Variants in ANKRD36C observed in about 807,000 individuals in gnomAD.
ANKRD36C encodes the protein ankyrin repeat domain-containing protein 36C.
In ANKRD36C, 61 loss-of-function variants were observed where a neutral mutation model predicts 276.4. That is an observed-to-expected ratio of 0.22 (90% confidence interval 0.18 to 0.27). ANKRD36C has a LOEUF of 0.27. Ranked by LOEUF, ANKRD36C falls within the 10% of genes least tolerant of loss-of-function variation. The pLI, the probability that ANKRD36C is intolerant of heterozygous loss-of-function variation, is 1.00. For synonymous variants in ANKRD36C, 483 were observed against 680.1 expected, an observed-to-expected ratio of 0.71 and a Z score of 4.51; for missense variants, 1,447 against 2,032.3, an observed-to-expected ratio of 0.71 and a Z score of 5.54.
At chr2:95,908,992 G>T (rs1475360307) in intron 42 of ANKRD36C, among the ~76,000 whole-genome samples, 1 of 151,100 alleles carries the variant, frequency 6.6e-6, no homozygotes, top group Non-Finnish European at 1.5e-5. Flanking sequence ...TGAGGACAAA[G>T]TGATCTAAAA....
exon 12 of ANKRD36C, chr2:95,958,595 C>G (rs929286485): frequency 1.9e-6 from 3 of 1,545,264 alleles, no homozygotes; most frequent in Non-Finnish European, 2.6e-6. Flanking sequence ...AATTACCTGT[C>G]CCAGATTTTT....
chr2:95,912,212 C>A lies in ANKRD36C; in HGVS notation c.2653+32G>T, dbSNP rs536333842. On this transcript the variant is annotated intron_variant, in intron 42 of 66. Transcript: ENST00000456556. ...GGAAGAGAACTTCTTATCTGGACTG[C>A]ACATGACATTAAATGTGTTTTGCAA... 9.5e-4 allele frequency: 1,462 copies of A among 1,542,372 alleles called. 2 individuals carry two copies. The highest frequency in any genetic ancestry group is 2.7e-3 in the African/African-American group (197 of 72,774).
At chr2:95,883,784 T>C (rs1231861883) in intron 54 of ANKRD36C, among the ~76,000 whole-genome samples, 2 of 152,058 alleles carry the variant, frequency 1.3e-5, no homozygotes, top group Non-Finnish European at 2.9e-5. Flanking sequence ...GTTTATGGGT[T>C]ATTATGATCA....
intron 56 of ANKRD36C, among the ~76,000 whole-genome samples, chr2:95,881,149 T>G (rs1676069538): frequency 6.6e-6 from 1 of 152,124 alleles, no homozygotes; most frequent in Non-Finnish European, 1.5e-5. Flanking sequence ...TGAATTGATC[T>G]GCTTGGATAT....
chr2:95,946,158 A>G (rs1328699500), intron 17 of ANKRD36C, among the ~76,000 whole-genome samples: 2 of 45,764 alleles, frequency 4.4e-5, no homozygotes, highest in Non-Finnish European at 7.6e-5. Context: ...AGAGAGAGGA[A>G]AAAAAAAAAA....
chr2:95,871,338 C>G (rs1044785622), intron 59 of ANKRD36C, among the ~76,000 whole-genome samples: 1 of 152,014 alleles, frequency 6.6e-6, no homozygotes, highest in Non-Finnish European at 1.5e-5. Flanking sequence ...CTCTACAAGC[C>G]GGAAGAGAGT....
At chr2:95,890,670 C>G (rs886802197) in intron 46 of ANKRD36C, among the ~76,000 whole-genome samples, 4 of 151,498 alleles carry the variant, frequency 2.6e-5, no homozygotes, top group African/African-American at 9.7e-5. Flanking sequence ...AATATATTAG[C>G]CTCAATAAAG....
At chr2:95,912,985 T>C (rs1446494665) in intron 40 of ANKRD36C, among the ~76,000 whole-genome samples, 1 of 151,092 alleles carries the variant, frequency 6.6e-6, no homozygotes, top group Non-Finnish European at 1.5e-5. Context: ...TGTTTGCTGA[T>C]ACCTAGTAGA....
intron 42 of ANKRD36C, 143 bp downstream of exon 44, chr2:95,912,101 A>G: frequency 1.6e-6 from 2 of 1,224,028 alleles, no homozygotes; most frequent in Admixed American, 4.7e-5. Flanking sequence ...CATCAGCATA[A>G]CCCAAGAACT....
intron 6 of ANKRD36C, among the ~76,000 whole-genome samples, chr2:95,976,051 G>A (rs1325074429): frequency 6.6e-6 from 1 of 152,196 alleles, no homozygotes; most frequent in African/African-American, 2.4e-5. Flanking sequence ...CTGGCCATCA[G>A]AGAAATGCAA....
intron 16 of ANKRD36C, among the ~76,000 whole-genome samples, chr2:95,949,149 C>G (rs185539942): frequency 8.5e-5 from 13 of 152,270 alleles, no homozygotes; most frequent in Non-Finnish European, 2.9e-5. Context: ...TAGAACACTA[C>G]AGGGAACCCC....
chr2:95,881,373 T>C (rs1404555841), intron 56 of ANKRD36C, among the ~76,000 whole-genome samples: 1 of 152,258 alleles, frequency 6.6e-6, no homozygotes, highest in Non-Finnish European at 1.5e-5. Flanking sequence ...TAGATATTAA[T>C]AAACTTATAC....
intron 6 of ANKRD36C, among the ~76,000 whole-genome samples, chr2:95,968,417 A>G (rs1678635549): frequency 6.6e-6 from 1 of 152,172 alleles, no homozygotes; most frequent in African/African-American, 2.4e-5. Context: ...CTGACAGAAA[A>G]TGGCATCATT....
At chr2:95,916,370 C>G (rs970587915) in intron 36 of ANKRD36C, among the ~76,000 whole-genome samples, 199 bp from the exon 39 acceptor site, 1 of 151,540 alleles carries the variant, frequency 6.6e-6, no homozygotes, top group Non-Finnish European at 1.5e-5. Context: ...GAAATATACC[C>G]TTACAATTTC....
chr2:95,886,765 C>T (rs1263721235), intron 50 of ANKRD36C, among the ~76,000 whole-genome samples: 3 of 151,690 alleles, frequency 2.0e-5, no homozygotes. Flanking sequence ...GGACCTAAAT[C>T]GATCAACGTG....
chr2:95,967,961 A>T (rs1678625892), intron 6 of ANKRD36C, among the ~76,000 whole-genome samples: 1 of 152,100 alleles, frequency 6.6e-6, no homozygotes, highest in Non-Finnish European at 1.5e-5. Flanking sequence ...GTGTGGTGGC[A>T]CACGTATGTA....
chr2:95,893,563 C>G (rs1472728028), intron 44 of ANKRD36C: 1 of 1,557,486 alleles, frequency 6.4e-7, no homozygotes. Context: ...TCCTTTTTTT[C>G]TCTGGCTATA....
intron 4 of ANKRD36C, 69 bp from the exon 5 acceptor site, chr2:95,980,854 A>G: frequency 2.0e-6 from 3 of 1,513,890 alleles, no homozygotes; most frequent in Non-Finnish European, 2.7e-6. Context: ...TACTTTATCA[A>G]CTTAATATGT....
intron 42 of ANKRD36C, chr2:95,903,074 T>A (rs116437777): frequency 0.029 from 44,112 of 1,512,904 alleles, 3,648 homozygotes; most frequent in East Asian, 0.16. Flanking sequence ...GTGGTTGCTC[T>A]GAAGACACTG....
Sources: gnomAD v4.1 joint callset for allele counts (sites outside exome capture counted in the v4.1 genomes callset) on GRCh38, gnomAD v4.1.1 for gene constraint, MANE v1.5 for transcripts, NCBI Gene and HGNC (gene_info 2026-07-23, HGNC 2026-07-21) for gene names.